Variants in THSD7B observed in about 807,000 individuals in gnomAD.
THSD7B encodes the protein thrombospondin type-1 domain-containing protein 7B.
Under a neutral mutation model 213.6 loss-of-function variants are expected in THSD7B, and 138 were observed. The ratio of observed to expected loss-of-function variants is 0.65; its 90% CI spans 0.56 to 0.74. The LOEUF is 0.74. Ranked by LOEUF, THSD7B falls within the 30% of genes least tolerant of loss-of-function variation. THSD7B has a pLI of 0.00. For synonymous variants in THSD7B, 742 were observed against 687.0 expected, an observed-to-expected ratio of 1.08 and a Z score of -1.25; for missense variants, 1,931 against 1,991.5, an observed-to-expected ratio of 0.97 and a Z score of 0.58.
At chr2:137,656,746 G>T in intron 22 of THSD7B, 50 bp from the exon 23 acceptor site, 1 of 1,558,712 alleles carries the variant, frequency 6.4e-7, no homozygotes, top group South Asian at 1.2e-5. Context: ...ATGTTGTCCA[G>T]TGCCACTTTT....
At chr2:137,113,037 C>T (rs867343209) in intron 4 of THSD7B, among the ~76,000 whole-genome samples, 19 of 152,226 alleles carry the variant, frequency 1.2e-4, no homozygotes, top group East Asian at 5.8e-4. Flanking sequence ...CCTCTTTTTG[C>T]GTGTCTTCTT....
In THSD7B at chr2:137,177,306, C is replaced by G. The variant is rs551052711; in HGVS notation, c.1723+6368C>G. Among the ~76,000 whole-genome samples, 7 of 152,248 alleles carry G rather than the reference C, an allele frequency of 4.6e-5. No homozygotes were observed. The South Asian group carries it at 1.2e-3, about 27-fold the overall frequency. On this transcript the variant is annotated intron_variant, in intron 7 of 27. Transcript: ENST00000409968. ...TTCAACTATTGAGTCATGTGTGACT[C>G]TGGAGGGGGACTAGGTTACTCTTAT...
Position 137,258,777 on chromosome 2 carries a change from A to G in THSD7B, c.2267-13756A>G, listed in dbSNP as rs145553515. On this transcript the variant is annotated intron_variant, in intron 10 of 27. Coordinates refer to ENST00000409968, the MANE Select transcript of THSD7B (RefSeq NM_001316349.2). The stretch of plus-strand genomic sequence containing the variant: ...GATTTGCTGCACCCGTCAACCCATC[A>G]TCTAGGTTTTAAGCCCCGCATGCAT... Among the ~76,000 whole-genome samples, 366 of 151,178 alleles carry G rather than the reference A, an allele frequency of 2.4e-3. 2 individuals carry two copies. Among genetic ancestry groups the G allele is most frequent in the African/African-American group, 8.6e-3 (352 of 41,112 alleles).
chr2:137,337,968 T>C (rs557408367), intron 12 of THSD7B, among the ~76,000 whole-genome samples: 2 of 152,064 alleles, frequency 1.3e-5, no homozygotes, highest in Non-Finnish European at 2.9e-5. Context: ...ACTAATCTGG[T>C]TATTTAGTGC....
intron 2 of THSD7B, among the ~76,000 whole-genome samples, chr2:136,963,521 G>C (rs980844740): frequency 2.0e-5 from 3 of 152,120 alleles, no homozygotes; most frequent in Admixed American, 1.3e-4. Flanking sequence ...GCACATGACT[G>C]AAGTCTTAGT....
chr2:137,634,029 A>G (rs1280029953), intron 20 of THSD7B, among the ~76,000 whole-genome samples: 2 of 152,076 alleles, frequency 1.3e-5, no homozygotes, highest in Non-Finnish European at 2.9e-5. Context: ...AGTATTTGCT[A>G]TTGTCTAACA....
intron 12 of THSD7B, among the ~76,000 whole-genome samples, chr2:137,303,720 ATATATATTTATATATATATTT>A (rs1683669192): frequency 7.8e-6 from 1 of 128,020 alleles, no homozygotes; most frequent in Non-Finnish European, 1.6e-5. Flanking sequence ...ATATATTTAT[ATATATATTTATATATATATTT>A]ATATATATAT....
intron 15 of THSD7B, among the ~76,000 whole-genome samples, chr2:137,560,879 CTG>C (rs1681103432): frequency 6.6e-6 from 1 of 152,112 alleles, no homozygotes; most frequent in African/African-American, 2.4e-5. Context: ...AAAGCTGGGA[CTG>C]TGACTGCATC....
chr2:137,308,640 T>C (rs1683814132), intron 12 of THSD7B, among the ~76,000 whole-genome samples: 1 of 152,088 alleles, frequency 6.6e-6, no homozygotes, highest in Non-Finnish European at 1.5e-5. Flanking sequence ...ATTTGCTTTA[T>C]GATTATAAGA....
chr2:136,850,793 A>G (rs915616031), intron 1 of THSD7B, among the ~76,000 whole-genome samples: 4 of 151,950 alleles, frequency 2.6e-5, no homozygotes, highest in African/African-American at 7.2e-5. Flanking sequence ...TGTGCTCACT[A>G]TTGCTTATGT....
intron 2 of THSD7B, among the ~76,000 whole-genome samples, chr2:136,923,950 A>G (rs1199855920): frequency 6.6e-6 from 1 of 152,092 alleles, no homozygotes; most frequent in Non-Finnish European, 1.5e-5. Context: ...GGAAGTCTTT[A>G]AGTTTAATGT....
chr2:137,340,498 T>G (rs1684738728), intron 12 of THSD7B, among the ~76,000 whole-genome samples: 1 of 152,012 alleles, frequency 6.6e-6, no homozygotes, highest in East Asian at 1.9e-4. Flanking sequence ...TTAACTATAT[T>G]CACCATGCTG....
intron 12 of THSD7B, among the ~76,000 whole-genome samples, chr2:137,295,114 T>C (rs1683429356): frequency 6.6e-6 from 1 of 152,124 alleles, no homozygotes; most frequent in Admixed American, 6.6e-5. Context: ...AATTTCCTAG[T>C]TGAGTTTACA....
intron 15 of THSD7B, among the ~76,000 whole-genome samples, chr2:137,483,710 A>G (rs572706128): frequency 6.6e-6 from 1 of 152,336 alleles, no homozygotes; most frequent in East Asian, 1.9e-4. Context: ...GGATGATTCT[A>G]ACAAGTAGAA....
intron 2 of THSD7B, among the ~76,000 whole-genome samples, chr2:136,899,511 T>C (rs1373712033): frequency 6.6e-6 from 1 of 152,190 alleles, no homozygotes; most frequent in African/African-American, 2.4e-5. Context: ...GTACTTCAGT[T>C]TCCAGTGAAG....
At chr2:137,155,416 A>C (rs895137390) in intron 5 of THSD7B, among the ~76,000 whole-genome samples, 2 of 152,208 alleles carry the variant, frequency 1.3e-5, no homozygotes, top group African/African-American at 4.8e-5. Flanking sequence ...GCTAATTAAT[A>C]GAAATAAATT....
At chr2:137,197,506 C>A (rs1550088) in intron 7 of THSD7B, among the ~76,000 whole-genome samples, 140,618 of 152,170 alleles carry the variant, frequency 0.92, 65,232 homozygotes, top group Middle Eastern at 0.98. Flanking sequence ...ATGTCGATTA[C>A]AATTTGTTTA....
At chr2:137,676,246 GT>G (rs1683696439) in intron 27 of THSD7B, among the ~76,000 whole-genome samples, 1 of 152,136 alleles carries the variant, frequency 6.6e-6, no homozygotes, top group South Asian at 2.1e-4. Context: ...AGACGTTCCT[GT>G]TGTTGTGTAT....
intron 15 of THSD7B, among the ~76,000 whole-genome samples, chr2:137,547,356 A>G (rs1028007875): frequency 2.0e-5 from 3 of 152,004 alleles, no homozygotes; most frequent in Non-Finnish European, 2.9e-5. Flanking sequence ...GCCTAGCCTT[A>G]TATTTTAACT....
Sources: gnomAD v4.1 joint callset for allele counts (sites outside exome capture counted in the v4.1 genomes callset) on GRCh38, gnomAD v4.1.1 for gene constraint, MANE v1.5 for transcripts, NCBI Gene and HGNC (gene_info 2026-07-23, HGNC 2026-07-21) for gene names.